The following PLBD1 variants were observed in gnomAD, a reference collection of about 807,000 sequenced individuals.
PLBD1 encodes the protein phospholipase B domain containing 1, also known as lysosomal leucine aminopeptidase.
PLBD1 carries 60 observed loss-of-function variants against 63.0 expected under a neutral mutation model. The observed-to-expected ratio is 0.95, with a 90% CI of 0.77 to 1.18. PLBD1 has a LOEUF of 1.18. PLBD1 is among the 50% of genes most tolerant of loss of function. PLBD1 has a pLI of 0.00. For missense variants in PLBD1, 598 were observed against 677.9 expected (o/e 0.88, Z 1.31); for synonymous variants, 262 against 248.0 (o/e 1.06, Z -0.53).
At chr12:14,535,296 C>G (rs1007065872) in intron 6 of PLBD1, among the ~76,000 whole-genome samples, 1 of 152,184 alleles carries the variant, frequency 6.6e-6, no homozygotes, top group Non-Finnish European at 1.5e-5. Flanking sequence ...ACACTACACG[C>G]CCTCAAGGTG....
intron 3 of PLBD1, 62 bp from the exon 4 acceptor site, chr12:14,540,964 AGCAG>A: frequency 6.8e-7 from 1 of 1,473,740 alleles, no homozygotes; most frequent in South Asian, 1.4e-5. Context: ...GCTAAATCAA[AGCAG>A]GCATTGAGAG....
chr12:14,539,852 T>C (rs988565161), intron 4 of PLBD1, among the ~76,000 whole-genome samples: 1 of 150,870 alleles, frequency 6.6e-6, no homozygotes, highest in Non-Finnish European at 1.5e-5. Flanking sequence ...CTGGGTATTA[T>C]TGTTTTGACA....
chr12:14,556,045 G>T (rs1945700837), intron 1 of PLBD1, among the ~76,000 whole-genome samples: 1 of 152,192 alleles, frequency 6.6e-6, no homozygotes, highest in Non-Finnish European at 1.5e-5. Flanking sequence ...AAGACATGGA[G>T]AAAGGAAATG....
At chr12:14,565,664 C>T (rs1945775167) in intron 1 of PLBD1, among the ~76,000 whole-genome samples, 1 of 151,936 alleles carries the variant, frequency 6.6e-6, no homozygotes, top group Non-Finnish European at 1.5e-5. Flanking sequence ...GTAGCAAGTC[C>T]CAGTTCTTTA....
chr12:14,530,176 G>C (rs983588301), intron 6 of PLBD1: 3 of 152,296 alleles, frequency 2.0e-5, no homozygotes, highest in African/African-American at 7.2e-5. Flanking sequence ...GGACATTCAA[G>C]CAGTTCTGAG....
At chr12:14,525,280 A>G (rs1198990673) in intron 6 of PLBD1, among the ~76,000 whole-genome samples, 1 of 152,072 alleles carries the variant, frequency 6.6e-6, no homozygotes, top group Non-Finnish European at 1.5e-5. Flanking sequence ...ATAAATAAAT[A>G]AAATAAAATA....
At chr12:14,559,729 AT>A (rs1459867883) in intron 1 of PLBD1, among the ~76,000 whole-genome samples, 1 of 151,974 alleles carries the variant, frequency 6.6e-6, no homozygotes, top group Non-Finnish European at 1.5e-5. Context: ...TATAAAAAGT[AT>A]TTTTTTCTAT....
At position 14,544,869 on chromosome 12, in the gene PLBD1, T is replaced by C. The variant is rs145673586; in HGVS notation, c.336-2578A>G. Among the ~76,000 whole-genome samples the C allele has an allele frequency of 1.5e-3, 235 of 152,350 alleles. 3 individuals are homozygous for C. The South Asian group carries it at 0.021, about 13-fold the overall frequency. On this transcript the variant is annotated intron_variant, in intron 2 of 10. Transcript: ENST00000240617. ...CTTTCATTTATAACTTAAAGCACCC[T>C]ATGCAAATTTAAAGTCTTTGTTAAA...
intron 6 of PLBD1, among the ~76,000 whole-genome samples, chr12:14,532,705 T>C (rs953599382): frequency 1.3e-5 from 2 of 152,196 alleles, no homozygotes; most frequent in African/African-American, 2.4e-5. Context: ...GGAGTCCACA[T>C]GCGTTGCTTT....
At chr12:14,519,247 A>T (rs1351565973) in intron 6 of PLBD1, among the ~76,000 whole-genome samples, 1 of 152,204 alleles carries the variant, frequency 6.6e-6, no homozygotes, top group Admixed American at 6.5e-5. Context: ...ATATTTGGAT[A>T]CAGAGCATTA....
At chr12:14,524,048 G>A (rs1182064175) in intron 6 of PLBD1, among the ~76,000 whole-genome samples, 3 of 152,064 alleles carry the variant, frequency 2.0e-5, no homozygotes, top group African/African-American at 7.2e-5. Flanking sequence ...AATGAAATAA[G>A]CCAGGCACAG....
At position 14,506,265 on chromosome 12, in the gene PLBD1, T is replaced by A. The variant is rs760870857; in HGVS notation, c.1376A>T (p.Tyr459Phe). The A allele has an allele frequency of 2.6e-5, 42 of 1,597,096 alleles. No homozygotes were observed. The highest frequency in any genetic ancestry group is 3.5e-5 in the Non-Finnish European group (41 of 1,166,184). ...ACCTCTACTGTAAGGATCCTTCTTA[T>A]AATCTAGGAAACAGAAATGGGGAAG... ...SMKYIMRYNN[Y>F]KKDPYSRGDP... Residue 459 changes from tyrosine to phenylalanine, a missense_variant, in exon 10 of 11, where the codon TAT (tyrosine) becomes TTT (phenylalanine). Physicochemically the swap from Tyr to Phe is conservative, Grantham distance 22 (BLOSUM62 3). Transcript: ENST00000240617.
In PLBD1 at chr12:14,503,702, G is replaced by A; in HGVS notation, c.*70C>T. ...ATATATTTTATTGCATAATTCTGATGGGAAAAACATAGCTAAAATAGTGCC... is the reference window on the plus strand; with the variant it reads ...ATATATTTTATTGCATAATTCTGATAGGAAAAACATAGCTAAAATAGTGCC... On this transcript the variant is annotated 3_prime_UTR_variant, in exon 11 of 11. Coordinates refer to ENST00000240617, the MANE Select transcript of PLBD1 (RefSeq NM_024829.6). 1 of 1,375,080 alleles carries A rather than the reference G, an allele frequency of 7.3e-7. No homozygotes were observed. The highest frequency in any genetic ancestry group is 2.3e-5 in the East Asian group (1 of 43,500). 85.2% of individuals were successfully genotyped at this position (1,375,080 alleles called of 1,614,324 possible).
At chr12:14,509,767 CTT>C in intron 8 of PLBD1, among the ~76,000 whole-genome samples, 1 of 152,318 alleles carries the variant, frequency 6.6e-6, no homozygotes, top group African/African-American at 2.4e-5. Context: ...TAACTAGTCT[CTT>C]TTCTTCCCAC....
Position 14,560,724 on chromosome 12 carries a change from C to A in PLBD1, c.115+6858G>T, listed in dbSNP as rs1335050298. Reference sequence around the variant, plus strand: ...GTAGGTGTTTAAGCCTTGGCTCTCTCCAGATATCAGAGACTAAGATGCCTG... The same window carrying A: ...GTAGGTGTTTAAGCCTTGGCTCTCTACAGATATCAGAGACTAAGATGCCTG... On this transcript the variant is annotated intron_variant, in intron 1 of 10. Coordinates refer to ENST00000240617, the MANE Select transcript of PLBD1 (RefSeq NM_024829.6). 2.6e-5 allele frequency among the ~76,000 whole-genome samples: 4 copies of A among 152,280 alleles called. No homozygotes were observed. In the South Asian group the frequency reaches 8.3e-4, roughly 32 times the overall value.
intron 1 of PLBD1, among the ~76,000 whole-genome samples, chr12:14,556,589 G>A (rs985393388): frequency 2.7e-5 from 4 of 150,268 alleles, no homozygotes; most frequent in Admixed American, 6.7e-5. Flanking sequence ...GGCTGGTCTC[G>A]AACTCCCAAC....
intron 6 of PLBD1, chr12:14,531,266 A>AT (rs1167705143): frequency 6.6e-6 from 1 of 152,042 alleles, no homozygotes; most frequent in Non-Finnish European, 1.5e-5. Context: ...CTAATTTCCT[A>AT]TTTTTTGTTA....
In PLBD1 at chr12:14,511,267, T is replaced by G. The variant is rs149403554; in HGVS notation, c.1179A>C (p.Leu393=). Residue 393 remains leucine, a synonymous_variant, in exon 8 of 11, where the codon CTA becomes CTC. Coordinates refer to ENST00000240617, the MANE Select transcript of PLBD1 (RefSeq NM_024829.6). The part of the protein sequence containing the change: ...YVEYSEQTDV[L]RKGYWPSYNV... ...ACGACATGAAGAAAGTACCTTTCCG[T>G]AGAACATCAGTTTGTTCAGAATATT... The G allele has an allele frequency of 5.7e-6, 9 of 1,592,112 alleles. No individual in the cohort carries two copies. The African/African-American group carries it at 1.1e-4, about 19-fold the overall frequency.
chr12:14,554,456 GA>G (rs1277022223), intron 1 of PLBD1, among the ~76,000 whole-genome samples: 1 of 152,182 alleles, frequency 6.6e-6, no homozygotes, highest in African/African-American at 2.4e-5. Flanking sequence ...GCTATTGCTA[GA>G]ATCTCTCACT....
Sources: gnomAD v4.1 joint callset for allele counts (sites outside exome capture counted in the v4.1 genomes callset) on GRCh38, gnomAD v4.1.1 for gene constraint, MANE v1.5 for transcripts, NCBI Gene and HGNC (gene_info 2026-07-23, HGNC 2026-07-21) for gene names.